Variants in TG observed in about 807,000 individuals in gnomAD.
TG encodes thyroid hormones.
In TG, 270 loss-of-function variants were observed where a neutral mutation model predicts 324.7. That is an observed-to-expected ratio of 0.83 (90% CI 0.75 to 0.92). TG has a LOEUF of 0.92. TG is among the 40% of genes least tolerant of loss of function. TG has a pLI of 0.00. For synonymous variants in TG, 1,401 were observed against 1,327.0 expected, an observed-to-expected ratio of 1.06 and a Z score of -1.21; for missense variants, 3,591 against 3,456.4, an observed-to-expected ratio of 1.04 and a Z score of -0.98.
intron 36 of TG, among the ~76,000 whole-genome samples, chr8:133,013,194 A>G (rs1279272613): frequency 6.6e-6 from 1 of 152,246 alleles, no homozygotes; most frequent in Non-Finnish European, 1.5e-5. Flanking sequence ...TCTCATTGCT[A>G]CCATTTTATT....
intron 41 of TG, among the ~76,000 whole-genome samples, chr8:133,088,495 A>G (rs549458074): frequency 1.3e-5 from 2 of 152,310 alleles, no homozygotes; most frequent in East Asian, 3.9e-4. Context: ...TCCAAGCCTC[A>G]GTCTCTCTAT....
At chr8:132,953,719 G>A (rs1051363313) in intron 27 of TG, among the ~76,000 whole-genome samples, 4 of 152,186 alleles carry the variant, frequency 2.6e-5, no homozygotes, top group Admixed American at 1.3e-4. Context: ...AGTGATGGCT[G>A]AGAATATGAG....
At chr8:133,039,966 CACACACACACACAT>C (rs778466835) in intron 41 of TG, 3 of 1,529,900 alleles carry the variant, frequency 2.0e-6, no homozygotes, top group Middle Eastern at 1.7e-4. Flanking sequence ...CACACACACA[CACACACACACACAT>C]ACACACACCA....
chr8:133,127,612 C>T (rs955042186), intron 45 of TG, among the ~76,000 whole-genome samples: 1 of 152,216 alleles, frequency 6.6e-6, no homozygotes, highest in Non-Finnish European at 1.5e-5. Context: ...ACCGTCAATT[C>T]TTCTGGTCTA....
At chr8:132,996,162 C>T (rs1464215497) in intron 35 of TG, among the ~76,000 whole-genome samples, 1 of 152,138 alleles carries the variant, frequency 6.6e-6, no homozygotes, top group East Asian at 1.9e-4. Flanking sequence ...CAGCCCTCTG[C>T]ATGATAGTAA....
chr8:132,900,376 C>T (rs2132279915), intron 15 of TG, 37 bp downstream of exon 15: 1 of 1,569,636 alleles, frequency 6.4e-7, no homozygotes, highest in Non-Finnish European at 8.7e-7. Flanking sequence ...CTTCTCACCT[C>T]TTCTGTGGGG....
intron 21 of TG, among the ~76,000 whole-genome samples, chr8:132,921,905 A>G (rs1046634017): frequency 6.6e-6 from 1 of 152,220 alleles, no homozygotes; most frequent in Non-Finnish European, 1.5e-5. Flanking sequence ...AATAGTCTGG[A>G]AATATAGAAA....
chr8:133,050,171 C>A (rs1481737284), intron 41 of TG: 7 of 608,882 alleles, frequency 1.1e-5, no homozygotes, highest in South Asian at 1.9e-5. Context: ...GATATGTGTC[C>A]AGTGGATAGC....
intron 3 of TG, 100 bp from the exon 4 acceptor site, chr8:132,871,248 T>G: frequency 7.7e-7 from 1 of 1,296,616 alleles, no homozygotes. Flanking sequence ...CATTCCCCTC[T>G]CAGCTGTGTC....
chr8:132,906,973 G>T, intron 17 of TG, 73 bp downstream of exon 17: 1 of 1,472,100 alleles, frequency 6.8e-7, no homozygotes, highest in Non-Finnish European at 9.2e-7. Context: ...AGATATGGAG[G>T]CGTGGCTGCT....
chr8:132,957,746 C>CAA (rs1564002580), intron 27 of TG, among the ~76,000 whole-genome samples: 1 of 105,436 alleles, frequency 9.5e-6, no homozygotes, highest in African/African-American at 4.8e-5. Context: ...GTAAACTACA[C>CAA]ACACACACAC....
intron 20 of TG, among the ~76,000 whole-genome samples, chr8:132,915,435 G>A (rs1168930870): frequency 1.3e-5 from 2 of 152,196 alleles, no homozygotes; most frequent in African/African-American, 4.8e-5. Context: ...GATGGGAGGG[G>A]CCACTCAGCT....
At chr8:133,049,933 G>A (rs147272641) in intron 41 of TG, 6 of 1,613,256 alleles carry the variant, frequency 3.7e-6, no homozygotes, top group Non-Finnish European at 5.1e-6. Context: ...CATATTCCAG[G>A]GATGTAACTC....
intron 41 of TG, chr8:133,038,334 C>T (rs891161462): frequency 3.3e-6 from 2 of 605,754 alleles, no homozygotes; most frequent in African/African-American, 3.7e-5. Flanking sequence ...CCTGATCAGA[C>T]ACCAGGGAGG....
At chr8:133,094,733 A>G (rs1405215974) in intron 41 of TG, 2 of 431,944 alleles carry the variant, frequency 4.6e-6, no homozygotes, top group African/African-American at 4.0e-5. Flanking sequence ...GATCCTCTTA[A>G]AGAACCATCA....
intron 29 of TG, chr8:132,964,792 C>A (rs1284040326): frequency 6.2e-6 from 4 of 647,994 alleles, no homozygotes; most frequent in Non-Finnish European, 8.4e-6. Flanking sequence ...ATGTGCCAGC[C>A]ACTGCATGAC....
chr8:132,998,859 G>A (rs1207838790), intron 35 of TG, among the ~76,000 whole-genome samples: 1 of 152,184 alleles, frequency 6.6e-6, no homozygotes, highest in Non-Finnish European at 1.5e-5. Context: ...AAGCAGACAA[G>A]AAACTGAGAC....
chr8:133,048,815 G>C (rs2253035), intron 41 of TG: 41,885 of 169,634 alleles, frequency 0.25, 5,540 homozygotes, highest in Non-Finnish European at 0.29. Context: ...CATGGAAGTG[G>C]CATCTGGTAT....
At position 133,072,150 on chromosome 8, in the gene TG, C is replaced by T. The variant is rs1216862946; in HGVS notation, c.7240-22894C>T. ...TCTACACACATATACACACCAAGTCCTCCAGCCCTGGTTGCAGTCTGCCTG... is the reference window on the plus strand; with the variant it reads ...TCTACACACATATACACACCAAGTCTTCCAGCCCTGGTTGCAGTCTGCCTG... On this transcript the variant is annotated intron_variant, in intron 41 of 47. Coordinates refer to ENST00000220616, the MANE Select transcript of TG (RefSeq NM_003235.5). Among the ~76,000 whole-genome samples, 3 of 152,298 alleles carry T rather than the reference C, an allele frequency of 2.0e-5. No homozygotes were observed. In the East Asian group the frequency reaches 5.8e-4, roughly 29 times the overall value.
Sources: gnomAD v4.1 joint callset for allele counts (sites outside exome capture counted in the v4.1 genomes callset) on GRCh38, gnomAD v4.1.1 for gene constraint, MANE v1.5 for transcripts, NCBI Gene and HGNC (gene_info 2026-07-23, HGNC 2026-07-21) for gene names.